The following CSMD3 variants were observed in gnomAD, a reference collection of about 807,000 sequenced individuals.
CSMD3 encodes the protein CUB and Sushi multiple domains 3.
In CSMD3, 177 loss-of-function variants were observed where a neutral mutation model predicts 435.2. The observed-to-expected ratio is 0.41, with a 90% CI of 0.36 to 0.46. The LOEUF (loss-of-function observed/expected upper bound fraction) is 0.46. Among genes scored for constraint, CSMD3 ranks in the 20% least tolerant of loss-of-function variants. The pLI is 0.34. For missense variants in CSMD3, 4,265 were observed against 4,504.6 expected (o/e 0.95, Z 1.52); for synonymous variants, 1,656 against 1,520.5 (o/e 1.09, Z -2.07).
chr8:113,204,633 T>C (rs1231716803), intron 3 of CSMD3, among the ~76,000 whole-genome samples: 1 of 152,124 alleles, frequency 6.6e-6, no homozygotes, highest in African/African-American at 2.4e-5. Flanking sequence ...GAACTTTCAG[T>C]CCTACAAGCT....
intron 9 of CSMD3, among the ~76,000 whole-genome samples, chr8:112,936,841 TAAATACGTC>T (rs2083294699): frequency 6.6e-6 from 1 of 152,190 alleles, no homozygotes; most frequent in Non-Finnish European, 1.5e-5. Context: ...AATTATTTCC[TAAATACGTC>T]AATATATTTC....
intron 4 of CSMD3, among the ~76,000 whole-genome samples, chr8:113,129,180 T>A (rs1275577437): frequency 6.6e-6 from 1 of 152,160 alleles, no homozygotes; most frequent in Admixed American, 6.6e-5. Flanking sequence ...TCCCTTTTCA[T>A]ATTGTGAGCA....
At chr8:113,245,822 A>T (rs1456771278) in intron 3 of CSMD3, among the ~76,000 whole-genome samples, 1 of 152,056 alleles carries the variant, frequency 6.6e-6, no homozygotes, top group Non-Finnish European at 1.5e-5. Context: ...TCTGCTGGTG[A>T]TAAATTCTCT....
At position 112,263,659 on chromosome 8, in the gene CSMD3, C is replaced by G. The variant is rs1333652160; in HGVS notation, c.9842G>C (p.Gly3281Ala). 6.2e-7 allele frequency: 1 copy of G among 1,613,492 alleles called. No individual in the cohort carries two copies. The highest frequency in any genetic ancestry group is 8.5e-7 in the Non-Finnish European group (1 of 1,179,660). Residue 3281 changes from glycine to alanine, a missense_variant, in exon 61 of 71, where the codon GGT becomes GCT. Physicochemically the swap from Gly to Ala is moderately conservative, Grantham distance 60. Around this residue, in one of 3 missense-constraint regions of CSMD3, gnomAD observed 3,255 missense variants for 3,380.2 expected, o/e 0.96. Transcript: ENST00000297405. The part of the protein sequence containing the change: ...LTCVGNGTWS[G>A]EVPQCLPKFC... ...CTTACGTAAGCACTGCGGTACTTCA[C>G]CACTCCAGGTACCATTCCCTACACA...
chr8:112,404,897 G>C (rs1831638417), intron 35 of CSMD3, among the ~76,000 whole-genome samples: 1 of 151,440 alleles, frequency 6.6e-6, no homozygotes, highest in African/African-American at 2.4e-5. Flanking sequence ...ATTATTTTCA[G>C]CTGGGTGCGG....
chr8:112,595,643 C>T (rs1294654515), intron 22 of CSMD3, among the ~76,000 whole-genome samples: 12 of 75,070 alleles, frequency 1.6e-4, no homozygotes, highest in Admixed American at 2.6e-4. Flanking sequence ...CAAAGGGAAG[C>T]CCATCAGACT....
At chr8:113,203,976 A>G (rs946276643) in intron 3 of CSMD3, among the ~76,000 whole-genome samples, 1 of 152,118 alleles carries the variant, frequency 6.6e-6, no homozygotes, top group East Asian at 1.9e-4. Flanking sequence ...ACAAATATAT[A>G]TATTTCCTCT....
At chr8:113,376,709 G>T in intron 1 of CSMD3, 4 of 1,613,444 alleles carry the variant, frequency 2.5e-6, no homozygotes, top group Non-Finnish European at 3.4e-6. Context: ...AAGGTTCGGC[G>T]CAAGGAGCCT....
chr8:112,720,774 G>C (rs2076840758), intron 13 of CSMD3, among the ~76,000 whole-genome samples: 1 of 152,126 alleles, frequency 6.6e-6, no homozygotes, highest in Admixed American at 6.6e-5. Flanking sequence ...CTAGATTTCA[G>C]ATAAATGATA....
chr8:112,794,400 T>G (rs1402318860), intron 13 of CSMD3, among the ~76,000 whole-genome samples: 9 of 148,302 alleles, frequency 6.1e-5, no homozygotes, highest in Non-Finnish European at 1.5e-5. Flanking sequence ...GTTCAAGCAA[T>G]TCTTCTGCCT....
At chr8:113,061,224 T>G (rs1395077165) in intron 5 of CSMD3, among the ~76,000 whole-genome samples, 2 of 152,144 alleles carry the variant, frequency 1.3e-5, no homozygotes, top group African/African-American at 4.8e-5. Context: ...CACATCACTC[T>G]TGTGTTTTGG....
chr8:112,334,135 T>C (rs1684723466), intron 45 of CSMD3, among the ~76,000 whole-genome samples: 1 of 152,154 alleles, frequency 6.6e-6, no homozygotes, highest in Non-Finnish European at 1.5e-5. Context: ...GTGTTCATGG[T>C]GGTATGGCCA....
chr8:112,716,316 C>CATTT (rs2076727359), intron 13 of CSMD3, among the ~76,000 whole-genome samples: 3 of 152,154 alleles, frequency 2.0e-5, no homozygotes, highest in Admixed American at 1.3e-4. Flanking sequence ...AATAAACTCC[C>CATTT]ATTCACAATT....
intron 27 of CSMD3, among the ~76,000 whole-genome samples, chr8:112,540,231 G>A (rs1183742814): frequency 6.6e-6 from 1 of 151,790 alleles, no homozygotes; most frequent in Non-Finnish European, 1.5e-5. Context: ...AAACCACAAC[G>A]AGATATTATC....
intron 13 of CSMD3, among the ~76,000 whole-genome samples, chr8:112,744,854 T>C (rs1175056557): frequency 6.6e-6 from 1 of 152,140 alleles, no homozygotes; most frequent in South Asian, 2.1e-4. Flanking sequence ...CTGTGCAGAC[T>C]GGTCTGGCTA....
intron 12 of CSMD3, among the ~76,000 whole-genome samples, chr8:112,821,227 C>T (rs920670105): frequency 3.9e-5 from 6 of 152,124 alleles, no homozygotes; most frequent in African/African-American, 1.4e-4. Flanking sequence ...GAAATCACCA[C>T]ACTGTCTTCC....
At chr8:113,418,703 G>A (rs935016297) in intron 1 of CSMD3, among the ~76,000 whole-genome samples, 4 of 152,144 alleles carry the variant, frequency 2.6e-5, no homozygotes, top group East Asian at 1.9e-4. Context: ...GAGCCACTAC[G>A]TAGTCTAAGA....
chr8:113,050,733 G>A (rs1409361739), intron 5 of CSMD3, among the ~76,000 whole-genome samples: 1 of 152,008 alleles, frequency 6.6e-6, no homozygotes, highest in African/African-American at 2.4e-5. Flanking sequence ...ACTGCTCTCT[G>A]ATTGTTGTTG....
At chr8:113,397,849 T>A (rs2094491038) in intron 1 of CSMD3, among the ~76,000 whole-genome samples, 1 of 149,606 alleles carries the variant, frequency 6.7e-6, no homozygotes, top group Admixed American at 6.7e-5. Flanking sequence ...AATAAATAAA[T>A]AAATAAATAA....
Sources: gnomAD v4.1 joint callset for allele counts (sites outside exome capture counted in the v4.1 genomes callset) on GRCh38, gnomAD v4.1.1 for gene constraint, gnomAD v4.1.1 regional missense constraint, MANE v1.5 for transcripts, NCBI Gene and HGNC (gene_info 2026-07-23, HGNC 2026-07-21) for gene names.